The following TENM3 variants were observed in gnomAD, a reference collection of about 807,000 sequenced individuals.
TENM3 encodes teneurin transmembrane protein 3, also known as teneurin-3.
A neutral mutation model predicts 255.1 loss-of-function variants in TENM3; 63 were observed. The ratio of observed to expected loss-of-function variants is 0.25; its 90% CI spans 0.20 to 0.30. The LOEUF is 0.30. TENM3 is among the 10% of genes least tolerant of loss of function. The pLI is 1.00. For synonymous variants in TENM3, 1,306 were observed against 1,322.3 expected, an observed-to-expected ratio of 0.99 and a Z score of 0.27; for missense variants, 2,929 against 3,461.1, an observed-to-expected ratio of 0.85 and a Z score of 3.86.
At chr4:182,765,856 G>A (rs1463365151) in intron 22 of TENM3, among the ~76,000 whole-genome samples, 1 of 152,058 alleles carries the variant, frequency 6.6e-6, no homozygotes, top group East Asian at 1.9e-4. Context: ...ACTTCTCATA[G>A]GCCCCTGTCA....
chr4:182,332,672 C>A (rs112935765), intron 2 of TENM3, among the ~76,000 whole-genome samples: 2 of 144,784 alleles, frequency 1.4e-5, no homozygotes, highest in South Asian at 4.3e-4. Flanking sequence ...CAAGCCTGGG[C>A]GACAGAGCAA....
rs114683109 is a variant in TENM3, at chr4:182,196,346, C to T, written c.-76+51592C>T. The stretch of plus-strand genomic sequence containing the variant: ...GAAGATGTGTAGCGTGTCTAGATTC[C>T]GGACAGATTGGAAGTGTAGCATCCA... On this transcript the variant is annotated intron_variant, in intron 1 of 2. Coordinates refer to the TENM3 transcript ENST00000512480. 1.4e-3 allele frequency among the ~76,000 whole-genome samples: 212 copies of T among 152,228 alleles called. 1 individual carries two copies. Among genetic ancestry groups the T allele is most frequent in the African/African-American group, 4.4e-3 (182 of 41,526 alleles).
the TENM3 span, among the ~76,000 whole-genome samples, chr4:181,482,381 C>G: frequency 6.6e-6 from 1 of 152,026 alleles, no homozygotes; most frequent in Non-Finnish European, 1.5e-5. Flanking sequence ...GTTCCTGCAA[C>G]CATTGGTTTG....
chr4:182,576,630 A>G (rs961326364), intron 3 of TENM3, among the ~76,000 whole-genome samples: 7 of 152,198 alleles, frequency 4.6e-5, no homozygotes. Flanking sequence ...TGCTAAAGCT[A>G]ATCAATTTAT....
chr4:181,503,916 T>A, the TENM3 span, among the ~76,000 whole-genome samples: 2 of 152,220 alleles, frequency 1.3e-5, no homozygotes, highest in African/African-American at 4.8e-5. Flanking sequence ...CTTCCATGGC[T>A]GGAAGTGTCT....
At chr4:181,849,308 T>C in the TENM3 span, among the ~76,000 whole-genome samples, 1 of 152,204 alleles carries the variant, frequency 6.6e-6, no homozygotes, top group South Asian at 2.1e-4. Context: ...ATGTGAGAGT[T>C]TACAGGCATC....
intron 12 of TENM3, among the ~76,000 whole-genome samples, chr4:182,700,696 T>G (rs1256380769): frequency 2.0e-5 from 3 of 152,206 alleles, no homozygotes; most frequent in Admixed American, 6.5e-5. Flanking sequence ...ATTTGAATAC[T>G]TTGCCAGCTG....
At chr4:182,679,563 T>G in intron 7 of TENM3, 103 bp from the exon 8 acceptor site, 1 of 909,182 alleles carries the variant, frequency 1.1e-6, no homozygotes, top group Non-Finnish European at 1.7e-6. Flanking sequence ...CTTTCTAACA[T>G]TGTATTTGTT....
chr4:181,922,478 G>C, the TENM3 span, among the ~76,000 whole-genome samples: 1 of 152,060 alleles, frequency 6.6e-6, no homozygotes, highest in African/African-American at 2.4e-5. Flanking sequence ...TGTATGTGTT[G>C]AGGAATTTAT....
chr4:182,802,747 C>G lies in TENM3; in HGVS notation c.*2396C>G, dbSNP rs537964122. ...ACATGCTTTTACAAGAAATAGTGAC[C>G]TTGGGGAATATGTAAACAAAAGACC... On this transcript the variant is annotated 3_prime_UTR_variant, in exon 28 of 28. Transcript: ENST00000511685. 1 of 132,874 alleles carries G rather than the reference C, an allele frequency of 7.5e-6. No homozygotes were observed. The highest frequency in any genetic ancestry group is 1.5e-5 in the Non-Finnish European group (1 of 64,758). 8.2% of individuals were successfully genotyped at this position (132,874 alleles called of 1,614,324 possible).
the TENM3 span, among the ~76,000 whole-genome samples, chr4:181,960,255 T>A: frequency 6.6e-6 from 1 of 152,222 alleles, no homozygotes; most frequent in South Asian, 2.1e-4. Context: ...CCTAAAATGT[T>A]CCTGTTGATG....
At chr4:182,010,113 C>T in the TENM3 span, among the ~76,000 whole-genome samples, 1 of 152,220 alleles carries the variant, frequency 6.6e-6, no homozygotes, top group South Asian at 2.1e-4. Flanking sequence ...CCATGAGAGC[C>T]TCCTAATGCT....
intron 22 of TENM3, 184 bp downstream of exon 22, chr4:182,755,443 G>A: frequency 1.8e-6 from 1 of 569,162 alleles, no homozygotes; most frequent in Non-Finnish European, 3.0e-6. Flanking sequence ...TGGGGAGGCT[G>A]AGACGGGAGG....
the TENM3 span, among the ~76,000 whole-genome samples, chr4:181,503,257 T>C: frequency 6.6e-6 from 1 of 152,154 alleles, no homozygotes; most frequent in Admixed American, 6.5e-5. Flanking sequence ...TCCCATCTAC[T>C]CAGGAGGCTG....
intron 3 of TENM3, among the ~76,000 whole-genome samples, chr4:182,377,569 C>T (rs560198691): frequency 6.6e-6 from 1 of 152,294 alleles, no homozygotes; most frequent in South Asian, 2.1e-4. Context: ...CCGCCTTGGC[C>T]TCCCAAAGTG....
At chr4:182,683,689 T>C (rs1756345298) in intron 11 of TENM3, among the ~76,000 whole-genome samples, 1 of 152,152 alleles carries the variant, frequency 6.6e-6, no homozygotes. Context: ...GATTTATCGA[T>C]AGCAATAATT....
At chr4:181,652,142 TAAAAAAA>T in the TENM3 span, among the ~76,000 whole-genome samples, 26 of 114,664 alleles carry the variant, frequency 2.3e-4, no homozygotes, top group African/African-American at 7.2e-4. Flanking sequence ...CACTTTGGGG[TAAAAAAA>T]AAAAAAAAAA....
the TENM3 span, among the ~76,000 whole-genome samples, chr4:181,814,587 CGTGTGTGTGT>C: frequency 8.0e-5 from 12 of 149,490 alleles, no homozygotes; most frequent in South Asian, 2.3e-3. Flanking sequence ...TTTTTAAATG[CGTGTGTGTGT>C]GTGTGTGTGT....
At chr4:181,561,964 C>T in the TENM3 span, among the ~76,000 whole-genome samples, 1 of 150,992 alleles carries the variant, frequency 6.6e-6, no homozygotes, top group South Asian at 2.1e-4. Flanking sequence ...TGGGTGTTTT[C>T]TTTTCTTTTT....
Sources: gnomAD v4.1 joint callset for allele counts (sites outside exome capture counted in the v4.1 genomes callset) on GRCh38, gnomAD v4.1.1 for gene constraint, MANE v1.5 for transcripts, NCBI Gene and HGNC (gene_info 2026-07-23, HGNC 2026-07-21) for gene names.